Variants in GALNTL6 observed in about 807,000 individuals in gnomAD.
The protein encoded by GALNTL6 is polypeptide N-acetylgalactosaminyltransferase-like 6.
Under a neutral mutation model 73.7 loss-of-function variants are expected in GALNTL6, and 46 were observed. That is an observed-to-expected ratio of 0.62 (90% CI 0.49 to 0.80). GALNTL6 has a LOEUF of 0.80. Among genes scored for constraint, GALNTL6 ranks in the 30% least tolerant of loss-of-function variants. GALNTL6 has a pLI of 0.00. For missense variants in GALNTL6, 604 were observed against 755.0 expected (o/e 0.80, Z 2.34); for synonymous variants, 259 against 263.7 (o/e 0.98, Z 0.17).
At chr4:172,040,182 A>C (rs1355486368) in intron 2 of GALNTL6, among the ~76,000 whole-genome samples, 1 of 150,630 alleles carries the variant, frequency 6.6e-6, no homozygotes, top group African/African-American at 2.4e-5. Flanking sequence ...GCATATTAAT[A>C]ATCATTGCAC....
intron 2 of GALNTL6, among the ~76,000 whole-genome samples, chr4:171,886,678 G>A (rs988082269): frequency 6.6e-6 from 1 of 152,118 alleles, no homozygotes; most frequent in Non-Finnish European, 1.5e-5. Flanking sequence ...CAAGAGAAAA[G>A]AGCTTGTGCA....
At chr4:171,881,721 A>G (rs1736457197) in intron 2 of GALNTL6, among the ~76,000 whole-genome samples, 2 of 152,200 alleles carry the variant, frequency 1.3e-5, no homozygotes, top group African/African-American at 4.8e-5. Context: ...GTTTCTTGCT[A>G]AAGAAGCCAA....
chr4:171,850,448 C>A (rs1360666408), intron 2 of GALNTL6, among the ~76,000 whole-genome samples: 2 of 152,006 alleles, frequency 1.3e-5, no homozygotes, highest in Non-Finnish European at 2.9e-5. Flanking sequence ...GGGGCTGGAG[C>A]GCAGTTAATC....
intron 5 of GALNTL6, among the ~76,000 whole-genome samples, chr4:172,622,935 A>G (rs956365537): frequency 2.0e-5 from 3 of 152,196 alleles, no homozygotes; most frequent in African/African-American, 7.2e-5. Flanking sequence ...CATACCAAAA[A>G]AATTTGTGTT....
intron 2 of GALNTL6, among the ~76,000 whole-genome samples, chr4:171,903,577 G>C (rs1452008787): frequency 1.4e-5 from 2 of 142,374 alleles, no homozygotes; most frequent in Admixed American, 6.7e-5. Context: ...AGGGGCGCCC[G>C]CCATTGTCCA....
intron 2 of GALNTL6, among the ~76,000 whole-genome samples, chr4:172,125,743 TA>T (rs1433880915): frequency 6.6e-6 from 1 of 152,156 alleles, no homozygotes; most frequent in African/African-American, 2.4e-5. Flanking sequence ...AAAAAATTAT[TA>T]TTTTTTTGTT....
intron 10 of GALNTL6, among the ~76,000 whole-genome samples, chr4:172,996,601 C>T (rs1370107477): frequency 6.6e-6 from 1 of 152,152 alleles, no homozygotes; most frequent in Non-Finnish European, 1.5e-5. Context: ...CTCTCATTCT[C>T]ATGTGATCAG....
intron 3 of GALNTL6, among the ~76,000 whole-genome samples, chr4:172,299,701 G>T (rs1291115854): frequency 6.6e-6 from 1 of 152,200 alleles, no homozygotes; most frequent in Non-Finnish European, 1.5e-5. Context: ...TTAATCCTGA[G>T]TTCTAGTTTG....
chr4:172,640,927 T>C (rs1739944553), intron 5 of GALNTL6, among the ~76,000 whole-genome samples: 1 of 152,098 alleles, frequency 6.6e-6, no homozygotes, highest in African/African-American at 2.4e-5. Flanking sequence ...CTCTCATGAA[T>C]TTTATCCTGG....
At chr4:172,256,097 A>G (rs1040496980) in intron 3 of GALNTL6, among the ~76,000 whole-genome samples, 4 of 151,480 alleles carry the variant, frequency 2.6e-5, no homozygotes, top group Non-Finnish European at 5.9e-5. Context: ...GCGCATTTAA[A>G]TATATGTTTC....
chr4:172,947,248 C>T (rs563530544), intron 9 of GALNTL6, among the ~76,000 whole-genome samples: 2 of 151,552 alleles, frequency 1.3e-5, no homozygotes, highest in Non-Finnish European at 2.9e-5. Flanking sequence ...ACCTGTGCAC[C>T]CCACCCCATT....
chr4:172,888,803 T>C (rs1745865503), intron 8 of GALNTL6, among the ~76,000 whole-genome samples: 1 of 152,208 alleles, frequency 6.6e-6, no homozygotes. Context: ...AAAAACGACA[T>C]TGGTAATTTG....
chr4:172,163,235 T>C (rs1734526425), intron 2 of GALNTL6, among the ~76,000 whole-genome samples: 1 of 152,094 alleles, frequency 6.6e-6, no homozygotes, highest in Non-Finnish European at 1.5e-5. Flanking sequence ...TAGACATTAC[T>C]CTGTCCTCTC....
intron 5 of GALNTL6, among the ~76,000 whole-genome samples, chr4:172,403,110 G>A (rs965872056): frequency 6.6e-6 from 1 of 151,960 alleles, no homozygotes; most frequent in Admixed American, 6.6e-5. Context: ...TCAAAGATAT[G>A]GCATTGTTCG....
At chr4:172,356,381 C>T (rs1295968738) in intron 5 of GALNTL6, among the ~76,000 whole-genome samples, 4 of 152,090 alleles carry the variant, frequency 2.6e-5, no homozygotes, top group Non-Finnish European at 5.9e-5. Context: ...ATGCAATGTT[C>T]AGTATTTCAA....
intron 5 of GALNTL6, among the ~76,000 whole-genome samples, chr4:172,489,828 T>C (rs1221272075): frequency 1.3e-5 from 2 of 152,230 alleles, no homozygotes; most frequent in African/African-American, 4.8e-5. Context: ...TTGGTTACAC[T>C]ATACTTTCAT....
intron 9 of GALNTL6, among the ~76,000 whole-genome samples, chr4:172,944,623 T>A (rs1354937880): frequency 2.6e-5 from 4 of 152,112 alleles, no homozygotes; most frequent in African/African-American, 9.7e-5. Context: ...CCAGGAGAAA[T>A]GAAGGCAAAT....
chr4:172,218,866 A>G (rs189039420), intron 2 of GALNTL6, among the ~76,000 whole-genome samples: 10 of 152,092 alleles, frequency 6.6e-5, no homozygotes, highest in Admixed American at 3.3e-4. Flanking sequence ...TAATGAAGTG[A>G]TACATTTGTG....
intron 9 of GALNTL6, among the ~76,000 whole-genome samples, chr4:172,942,622 G>C (rs1380878842): frequency 2.0e-5 from 3 of 152,188 alleles, no homozygotes; most frequent in Admixed American, 1.3e-4. Context: ...GCATATGCTT[G>C]TGCACCCACT....
Sources: allele counts gnomAD v4.1 joint callset (sites outside exome capture counted in the v4.1 genomes callset), GRCh38; gene constraint gnomAD v4.1.1; transcripts MANE v1.5; gene names NCBI Gene and HGNC (gene_info 2026-07-23, HGNC 2026-07-21).